Variants in UBE3D observed in about 807,000 individuals in gnomAD.
The protein encoded by UBE3D is E3 ubiquitin-protein ligase E3D.
In UBE3D, 48 loss-of-function variants were observed where a neutral mutation model predicts 49.6. The observed-to-expected ratio is 0.97, with a 90% CI of 0.77 to 1.23. The LOEUF (loss-of-function observed/expected upper bound fraction) is 1.23. Ranked by LOEUF, UBE3D falls within the 50% of genes most tolerant of loss-of-function variation. The pLI, the probability that UBE3D is intolerant of heterozygous loss-of-function variation, is 0.00. For missense variants in UBE3D, 452 were observed against 468.4 expected (o/e 0.96, Z 0.32); for synonymous variants, 189 against 174.2 (o/e 1.08, Z -0.67).
chr6:82,896,381 G>A (rs1249880975), intron 9 of UBE3D, among the ~76,000 whole-genome samples: 1 of 151,872 alleles, frequency 6.6e-6, no homozygotes, highest in African/African-American at 2.4e-5. Context: ...TTATATTTCT[G>A]GAATATAGTT....
chr6:82,954,403 A>C (rs1042156630), intron 9 of UBE3D, among the ~76,000 whole-genome samples: 4 of 152,186 alleles, frequency 2.6e-5, no homozygotes, highest in African/African-American at 9.7e-5. Flanking sequence ...GAAATGTTAC[A>C]ATGTAATTTA....
At chr6:83,001,625 G>A (rs1779642745) in intron 8 of UBE3D, among the ~76,000 whole-genome samples, 1 of 150,556 alleles carries the variant, frequency 6.6e-6, no homozygotes, top group South Asian at 2.1e-4. Flanking sequence ...GATGGTAACA[G>A]GAAAGCGGAA....
chr6:82,926,005 T>G (rs150685338), intron 9 of UBE3D, among the ~76,000 whole-genome samples: 157 of 131,954 alleles, frequency 1.2e-3, no homozygotes, highest in African/African-American at 4.2e-3. Flanking sequence ...AAAATCTTAT[T>G]AAAAAATATC....
At chr6:82,935,248 C>T (rs1325008389) in intron 9 of UBE3D, among the ~76,000 whole-genome samples, 1 of 151,656 alleles carries the variant, frequency 6.6e-6, no homozygotes, top group Non-Finnish European at 1.5e-5. Context: ...GGTGGGGGTG[C>T]CACACACTTT....
chr6:83,055,861 T>A (rs1204284050), intron 2 of UBE3D, among the ~76,000 whole-genome samples: 2 of 152,186 alleles, frequency 1.3e-5, no homozygotes, highest in African/African-American at 4.8e-5. Context: ...ACAGTTTGAT[T>A]CAAGTTCACA....
At chr6:83,020,341 G>GTTTT (rs11341564) in intron 7 of UBE3D, among the ~76,000 whole-genome samples, 6 of 141,266 alleles carry the variant, frequency 4.2e-5, no homozygotes, top group African/African-American at 1.6e-4. Context: ...ATGTGATACT[G>GTTTT]TTTTTTTTTT....
intron 5 of UBE3D, among the ~76,000 whole-genome samples, chr6:83,028,802 G>A (rs186938987): frequency 4.6e-5 from 7 of 152,198 alleles, no homozygotes; most frequent in African/African-American, 1.7e-4. Flanking sequence ...CAGCAGGTAC[G>A]ATAGGAATCC....
chr6:83,022,102 A>G (rs1480371298), intron 7 of UBE3D, among the ~76,000 whole-genome samples: 1 of 151,996 alleles, frequency 6.6e-6, no homozygotes, highest in Non-Finnish European at 1.5e-5. Flanking sequence ...TCTTGGCTCA[A>G]TGCAACCTCC....
At chr6:82,921,224 G>T (rs1419383089) in intron 9 of UBE3D, among the ~76,000 whole-genome samples, 2 of 152,108 alleles carry the variant, frequency 1.3e-5, no homozygotes, top group Admixed American at 1.3e-4. Context: ...AAAGCGCTGG[G>T]ATTACAGGCA....
chr6:82,900,243 T>C (rs1215553476), intron 9 of UBE3D, among the ~76,000 whole-genome samples: 4 of 152,196 alleles, frequency 2.6e-5, no homozygotes, highest in South Asian at 2.1e-4. Context: ...TGCTTTTCTA[T>C]AGTATCAATT....
At chr6:83,025,882 TAAAAAAA>T (rs70987730) in intron 5 of UBE3D, among the ~76,000 whole-genome samples, 2 of 90,340 alleles carry the variant, frequency 2.2e-5, no homozygotes, top group South Asian at 4.0e-4. Context: ...GACTCCATCT[TAAAAAAA>T]AAAAAAAAAA....
At chr6:82,933,892 T>G (rs2770678) in intron 9 of UBE3D, among the ~76,000 whole-genome samples, 102,061 of 151,782 alleles carry the variant, frequency 0.67, 34,791 homozygotes, top group East Asian at 0.79. Flanking sequence ...TAAAGCCACG[T>G]GAGTGCCTAG....
chr6:83,048,134 G>C (rs1407028437), intron 3 of UBE3D, among the ~76,000 whole-genome samples: 3 of 147,218 alleles, frequency 2.0e-5, no homozygotes, highest in Non-Finnish European at 4.5e-5. Context: ...AATCAGAAGT[G>C]ATCAGTAACG....
intron 2 of UBE3D, among the ~76,000 whole-genome samples, chr6:83,056,822 G>A (rs965189758): frequency 6.6e-6 from 1 of 152,282 alleles, no homozygotes; most frequent in Non-Finnish European, 1.5e-5. Flanking sequence ...TATTACAGAT[G>A]AGGCAGCAGC....
intron 9 of UBE3D, among the ~76,000 whole-genome samples, chr6:82,929,676 T>TA (rs1774004106): frequency 1.3e-5 from 2 of 152,254 alleles, no homozygotes; most frequent in Admixed American, 6.5e-5. Context: ...ATCCAATTGC[T>TA]AAAAAGCCCT....
At chr6:82,907,805 T>C (rs897086449) in intron 9 of UBE3D, among the ~76,000 whole-genome samples, 1 of 152,112 alleles carries the variant, frequency 6.6e-6, no homozygotes, top group Non-Finnish European at 1.5e-5. Flanking sequence ...TAAATATACA[T>C]CTATCCTACA....
chr6:82,888,921 GCT>G (rs1770934953), downstream of UBE3D, among the ~76,000 whole-genome samples: 1 of 152,290 alleles, frequency 6.6e-6, no homozygotes, highest in Admixed American at 6.5e-5. Flanking sequence ...TTGATGATGA[GCT>G]CTGATTCAGT....
chr6:82,886,255 C>T, the UBE3D span, among the ~76,000 whole-genome samples: 1 of 152,246 alleles, frequency 6.6e-6, no homozygotes, highest in Admixed American at 6.5e-5. Flanking sequence ...TTTCCATGGA[C>T]CTGTGGTGGA....
At chr6:82,978,927 A>C (rs914571132) in intron 8 of UBE3D, among the ~76,000 whole-genome samples, 7 of 152,116 alleles carry the variant, frequency 4.6e-5, no homozygotes, top group Non-Finnish European at 7.4e-5. Flanking sequence ...TTCTACTCTG[A>C]AGAATGAAAG....
Sources: gnomAD v4.1 joint callset for allele counts (sites outside exome capture counted in the v4.1 genomes callset) on GRCh38, gnomAD v4.1.1 for gene constraint, MANE v1.5 for transcripts, NCBI Gene and HGNC (gene_info 2026-07-23, HGNC 2026-07-21) for gene names.